ITSN1: variants seen among roughly 807,000 people sequenced by gnomAD.
ITSN1 encodes intersectin 1.
A neutral mutation model predicts 239.8 loss-of-function variants in ITSN1; 58 were observed. The observed-to-expected ratio is 0.24, with a 90% CI of 0.20 to 0.30. The LOEUF is 0.30. ITSN1 is among the 10% of genes least tolerant of loss of function. The pLI, the probability that ITSN1 is intolerant of heterozygous loss-of-function variation, is 1.00. For missense variants in ITSN1, 1,558 were observed against 2,103.3 expected, an observed-to-expected ratio of 0.74 and a Z score of 5.07; for synonymous variants, 780 against 770.8, an observed-to-expected ratio of 1.01 and a Z score of -0.20.
intron 1 of ITSN1, among the ~76,000 whole-genome samples, chr21:33,682,567 C>T (rs910296617): frequency 6.6e-6 from 1 of 151,992 alleles, no homozygotes; most frequent in Non-Finnish European, 1.5e-5. Context: ...TCTCTGTTGC[C>T]CAGGCTGGAA....
At chr21:33,831,652 A>G (rs2074301972) in intron 27 of ITSN1, among the ~76,000 whole-genome samples, 1 of 152,092 alleles carries the variant, frequency 6.6e-6, no homozygotes, top group African/African-American at 2.4e-5. Context: ...GGTCTCACAC[A>G]GTCCCGTCTA....
At chr21:33,645,148 T>G (rs767626677) in intron 1 of ITSN1, among the ~76,000 whole-genome samples, 3 of 152,224 alleles carry the variant, frequency 2.0e-5, no homozygotes, top group Non-Finnish European at 4.4e-5. Flanking sequence ...CTAAATTATC[T>G]TTTTAATTTG....
chr21:33,753,143 CTG>C (rs2067670224), intron 7 of ITSN1, among the ~76,000 whole-genome samples: 1 of 152,038 alleles, frequency 6.6e-6, no homozygotes, highest in East Asian at 1.9e-4. Context: ...CTGAGTCAAA[CTG>C]AGATGTCTGA....
chr21:33,656,152 T>C, intron 1 of ITSN1, among the ~76,000 whole-genome samples: 1 of 152,172 alleles, frequency 6.6e-6, no homozygotes, highest in East Asian at 1.9e-4. Flanking sequence ...ACCCATCATA[T>C]GACCAAGGGA....
intron 6 of ITSN1, 66 bp downstream of exon 6, chr21:33,750,388 A>G: frequency 2.9e-6 from 4 of 1,397,818 alleles, no homozygotes; most frequent in Non-Finnish European, 4.0e-6. Context: ...CATTATTAAA[A>G]TATTTTCTCT....
rs527564088 is a variant in ITSN1, at chr21:33,868,069, G to C, written c.4173+738G>C. 8.5e-5 allele frequency among the ~76,000 whole-genome samples: 13 copies of C among 152,362 alleles called. No homozygotes were observed. In the East Asian group the frequency reaches 2.3e-3, roughly 27 times the overall value. ...CTTCCACGGTGTGGAAAGGGACCGAGCCGGTTGCCACTGCTGGCTCGGGCA... is the reference window on the plus strand; with the variant it reads ...CTTCCACGGTGTGGAAAGGGACCGACCCGGTTGCCACTGCTGGCTCGGGCA... On this transcript the variant is annotated intron_variant, in intron 33 of 39. Transcript: ENST00000381318.
At chr21:33,752,945 T>C (rs1351639874) in intron 7 of ITSN1, among the ~76,000 whole-genome samples, 1 of 152,204 alleles carries the variant, frequency 6.6e-6, no homozygotes, top group Non-Finnish European at 1.5e-5. Flanking sequence ...TATAATTCAG[T>C]GATGCCTTCA....
intron 29 of ITSN1, among the ~76,000 whole-genome samples, chr21:33,853,121 G>A (rs1252666353): frequency 6.6e-6 from 1 of 152,196 alleles, no homozygotes; most frequent in African/African-American, 2.4e-5. Context: ...ATGATTCCAA[G>A]CCAACATCAT....
chr21:33,670,046 C>A (rs1422833499), intron 1 of ITSN1, among the ~76,000 whole-genome samples: 1 of 152,122 alleles, frequency 6.6e-6, no homozygotes, highest in Non-Finnish European at 1.5e-5. Flanking sequence ...TCCATTAGAG[C>A]AGTAGTTGTC....
rs1257705398 is a variant in ITSN1, at chr21:33,711,651, GTTGTGTGTGTGTGTGTGTGT to G, written c.-32-7145_-32-7126del. 1.1e-3 allele frequency among the ~76,000 whole-genome samples: 116 copies of G among 107,678 alleles called. No individual in the cohort carries two copies. In the Admixed American group the frequency reaches 0.011, roughly 10 times the overall value. The allele number at this position is 107,678 out of a possible 152,430, so 70.6% of individuals were successfully genotyped here. A position where few individuals can be genotyped will look rare whatever the true frequency, so the allele number is the denominator to read the frequency against. On this transcript the variant is annotated intron_variant, in intron 1 of 39. Coordinates refer to ENST00000381318, the MANE Select transcript of ITSN1 (RefSeq NM_003024.3). Reference sequence around the variant, plus strand: ...TTTTTGGCTATGTCTTTTTCTGTGTGTTGTGTGTGTGTGTGTGTGTGTGTGTGTGTGTGTGTGTGTTGTGT... The same window carrying G: ...TTTTTGGCTATGTCTTTTTCTGTGTGGTGTGTGTGTGTGTGTGTGTTGTGT...
At chr21:33,719,644 T>C (rs1271153106) in intron 2 of ITSN1, among the ~76,000 whole-genome samples, 1 of 152,204 alleles carries the variant, frequency 6.6e-6, no homozygotes, top group African/African-American at 2.4e-5. Flanking sequence ...TAGTGAATTT[T>C]CCCCCACTCC....
chr21:33,752,396 G>A (rs540723689), intron 7 of ITSN1, among the ~76,000 whole-genome samples: 1 of 152,228 alleles, frequency 6.6e-6, no homozygotes, highest in East Asian at 1.9e-4. Flanking sequence ...ATTATGAAAA[G>A]AATTATCCAG....
At chr21:33,694,285 A>C (rs1397541390) in intron 1 of ITSN1, among the ~76,000 whole-genome samples, 5 of 152,214 alleles carry the variant, frequency 3.3e-5, no homozygotes. Flanking sequence ...AACTTTGGCT[A>C]CCCAAAGTGC....
intron 1 of ITSN1, among the ~76,000 whole-genome samples, chr21:33,668,351 A>G (rs1267642126): frequency 6.6e-6 from 1 of 152,198 alleles, no homozygotes; most frequent in African/African-American, 2.4e-5. Flanking sequence ...GGCCCCCCCA[A>G]GGCATGTCAT....
intron 29 of ITSN1, among the ~76,000 whole-genome samples, chr21:33,847,240 G>A (rs2075014543): frequency 6.6e-6 from 1 of 152,196 alleles, no homozygotes; most frequent in Admixed American, 6.5e-5. Context: ...GGCTGGGGCT[G>A]TCCAGGAACC....
chr21:33,725,133 G>GTTTTT (rs1171718411), intron 4 of ITSN1, among the ~76,000 whole-genome samples: 5 of 91,170 alleles, frequency 5.5e-5, no homozygotes, highest in Non-Finnish European at 7.8e-5. Context: ...TTTTTTTTTT[G>GTTTTT]TTTTTTTTTT....
intron 8 of ITSN1, among the ~76,000 whole-genome samples, chr21:33,756,159 G>T (rs959670125): frequency 3.3e-5 from 5 of 151,912 alleles, no homozygotes; most frequent in Admixed American, 2.6e-4. Context: ...AATTAGCCGG[G>T]TGTGGTGGTG....
Position 33,865,269 on chromosome 21 carries a change from C to T in ITSN1, c.4009C>T (p.Leu1337Phe). The T allele has an allele frequency of 6.2e-7, 1 of 1,606,136 alleles. No homozygotes were observed. The highest frequency in any genetic ancestry group is 8.5e-7 in the Non-Finnish European group (1 of 1,176,648). The part of the protein sequence containing the change: ...QPYIRFCSRQ[L>F]NGAALIQQKT... ...CTACATCCGCTTCTGCAGCCGCCAG[C>T]TCAACGGGGCTGCCCTGATCCAGCA... The change falls in exon 32 of 40, where the codon CTC becomes TTC. Residue 1337 changes from leucine to phenylalanine, a missense_variant. By Grantham distance (22) the Leu-to-Phe change is conservative (BLOSUM62 0). Coordinates refer to ENST00000381318, the MANE Select transcript of ITSN1 (RefSeq NM_003024.3). This position sits in a 1 kb window ranked among gnomAD's most constrained non-coding sequence, Gnocchi z 4.4.
chr21:33,778,439 A>G (rs2069822148), intron 14 of ITSN1, among the ~76,000 whole-genome samples: 2 of 152,114 alleles, frequency 1.3e-5, no homozygotes, highest in Non-Finnish European at 2.9e-5. Context: ...TAATTATAAA[A>G]TTCATTATGC....
Sources: allele counts gnomAD v4.1 joint callset (sites outside exome capture counted in the v4.1 genomes callset), GRCh38; gene constraint gnomAD v4.1.1; non-coding constraint Gnocchi (gnomAD v3.1); transcripts MANE v1.5; gene names NCBI Gene and HGNC (gene_info 2026-07-23, HGNC 2026-07-21).